COL24A1: variants seen among roughly 807,000 people sequenced by gnomAD.
COL24A1 encodes collagen type XXIV alpha 1 chain, also known as collagen alpha-1(XXIV) chain.
In COL24A1, 224 loss-of-function variants were observed where a neutral mutation model predicts 253.9. The observed-to-expected ratio is 0.88, with a 90% CI of 0.79 to 0.99. The LOEUF (loss-of-function observed/expected upper bound fraction) is 0.99. Among genes scored for constraint, COL24A1 ranks in the 50% least tolerant of loss-of-function variants. COL24A1 has a pLI of 0.00. For synonymous variants in COL24A1, 685 were observed against 673.7 expected, an observed-to-expected ratio of 1.02 and a Z score of -0.26; for missense variants, 2,131 against 2,068.5, an observed-to-expected ratio of 1.03 and a Z score of -0.59.
chr1:86,055,979 G>A (rs1700633041), intron 10 of COL24A1, among the ~76,000 whole-genome samples: 1 of 151,964 alleles, frequency 6.6e-6, no homozygotes, highest in Non-Finnish European at 1.5e-5. Flanking sequence ...TTAGCTGGGT[G>A]TGGTGGCAGG....
intron 7 of COL24A1, among the ~76,000 whole-genome samples, chr1:86,086,285 G>A (rs185181524): frequency 6.6e-6 from 1 of 151,888 alleles, no homozygotes; most frequent in African/African-American, 2.4e-5. Flanking sequence ...TCGAATTAAC[G>A]TGCTTCTGGC....
At chr1:86,089,267 A>ATT in intron 6 of COL24A1, 40 bp from the exon 7 acceptor site, 1 of 1,483,018 alleles carries the variant, frequency 6.7e-7, no homozygotes, top group Non-Finnish European at 9.1e-7. Flanking sequence ...ATGAAAGAGA[A>ATT]CTGAAAATTA....
chr1:85,938,430 A>C (rs1262595193), intron 24 of COL24A1, among the ~76,000 whole-genome samples: 1 of 146,692 alleles, frequency 6.8e-6, no homozygotes, highest in Non-Finnish European at 1.5e-5. Context: ...CCCAGCAGGC[A>C]AAAATAAGTC....
chr1:85,868,345 C>A (rs1680019633), intron 37 of COL24A1, among the ~76,000 whole-genome samples, 174 bp downstream of exon 37: 1 of 152,166 alleles, frequency 6.6e-6, no homozygotes, highest in Admixed American at 6.5e-5. Context: ...CTCTTTGGAT[C>A]TTAGGAGGGC....
Position 86,112,482 on chromosome 1 carries a change from C to CTTCTTT in COL24A1, c.1599+84_1599+85insAAAGAA. 2.4e-6 allele frequency: 3 copies of CTTCTTT among 1,224,840 alleles called. No homozygotes were observed. In the East Asian group the frequency reaches 7.1e-5, roughly 29 times the overall value. 75.9% of individuals were successfully genotyped at this position (1,224,840 alleles called of 1,614,324 possible). On this transcript the variant is annotated intron_variant, in intron 5 of 59. Transcript: ENST00000370571. ...AGATCCTTGATGTATCAAGACTTGC[C>CTTCTTT]TTAAATGTTAGGGATCTTCTTTTTA...
chr1:85,848,061 G>C (rs1210303349), intron 38 of COL24A1, among the ~76,000 whole-genome samples: 1 of 152,114 alleles, frequency 6.6e-6, no homozygotes, highest in Non-Finnish European at 1.5e-5. Flanking sequence ...ATGTATGTAA[G>C]TATGCATGTA....
At chr1:86,111,429 A>G (rs969994459) in intron 5 of COL24A1, among the ~76,000 whole-genome samples, 1 of 151,838 alleles carries the variant, frequency 6.6e-6, no homozygotes, top group Non-Finnish European at 1.5e-5. Context: ...TGGACCAATC[A>G]GCACTCAGTG....
chr1:85,949,355 T>C (rs762788234), intron 24 of COL24A1, among the ~76,000 whole-genome samples: 1 of 152,154 alleles, frequency 6.6e-6, no homozygotes, highest in African/African-American at 2.4e-5. Context: ...AAAGACTACA[T>C]TTTATCAAAT....
intron 57 of COL24A1, 98 bp from the exon 58 acceptor site, chr1:85,737,603 G>GC (rs1664190154): frequency 2.4e-6 from 2 of 848,312 alleles, no homozygotes; most frequent in Non-Finnish European, 3.6e-6. Flanking sequence ...CATTCTGTTA[G>GC]CCCAGGCTGG....
chr1:86,128,289 G>A (rs568953680), intron 2 of COL24A1, among the ~76,000 whole-genome samples: 3 of 151,998 alleles, frequency 2.0e-5, no homozygotes, highest in South Asian at 2.1e-4. Context: ...TTACACCGCC[G>A]AAACTAGCTA....
At chr1:85,944,796 T>A (rs1689099472) in intron 24 of COL24A1, among the ~76,000 whole-genome samples, 1 of 151,754 alleles carries the variant, frequency 6.6e-6, no homozygotes, top group African/African-American at 2.4e-5. Flanking sequence ...CCCCTTCCTG[T>A]GTCCATGTGT....
intron 6 of COL24A1, among the ~76,000 whole-genome samples, chr1:86,090,696 A>ATT (rs1242001350): frequency 6.6e-5 from 10 of 152,280 alleles, no homozygotes; most frequent in African/African-American, 2.2e-4. Flanking sequence ...CTAACAGATC[A>ATT]TTTTTAAATT....
chr1:85,842,426 G>A, intron 39 of COL24A1, 33 bp from the exon 40 acceptor site: 1 of 1,363,970 alleles, frequency 7.3e-7, no homozygotes, highest in Non-Finnish European at 1.0e-6. Context: ...GTGAGAGAGA[G>A]AAAGTAAAGA....
chr1:85,852,490 T>A (rs1677883426), intron 37 of COL24A1, among the ~76,000 whole-genome samples: 1 of 152,194 alleles, frequency 6.6e-6, no homozygotes, highest in South Asian at 2.1e-4. Flanking sequence ...AATCACTTTT[T>A]ATCAATCAAG....
intron 37 of COL24A1, among the ~76,000 whole-genome samples, chr1:85,867,593 T>C (rs1030011755): frequency 6.6e-6 from 1 of 152,056 alleles, no homozygotes; most frequent in Non-Finnish European, 1.5e-5. Context: ...GTAAAGACAA[T>C]AACTTTGAGG....
chr1:85,737,073 C>T (rs574478508), intron 58 of COL24A1, among the ~76,000 whole-genome samples: 10 of 152,016 alleles, frequency 6.6e-5, no homozygotes, highest in Non-Finnish European at 1.5e-4. Flanking sequence ...GTTACAAACA[C>T]TAGCTGTTTA....
At chr1:85,820,447 T>C (rs1558248628) in intron 45 of COL24A1, among the ~76,000 whole-genome samples, 1 of 152,060 alleles carries the variant, frequency 6.6e-6, no homozygotes, top group African/African-American at 2.4e-5. Flanking sequence ...GATGAGCAAA[T>C]AGCTGCACAT....
At chr1:85,867,708 T>C (rs313771) in intron 37 of COL24A1, among the ~76,000 whole-genome samples, 62,333 of 151,700 alleles carry the variant, frequency 0.41, 13,236 homozygotes, top group South Asian at 0.59. Context: ...AATTAAGCAT[T>C]TAAGCAAAAA....
intron 1 of COL24A1, among the ~76,000 whole-genome samples, chr1:86,150,109 A>G (rs12133066): frequency 0.011 from 1,613 of 152,232 alleles, 10 homozygotes; most frequent in Non-Finnish European, 0.016. Context: ...GACCTTGTAT[A>G]TGTCTGAAAT....
Sources: allele counts gnomAD v4.1 joint callset (sites outside exome capture counted in the v4.1 genomes callset), GRCh38; gene constraint gnomAD v4.1.1; transcripts MANE v1.5; gene names NCBI Gene and HGNC (gene_info 2026-07-23, HGNC 2026-07-21).